The following TOP6BL variants were observed in gnomAD, a reference collection of about 807,000 sequenced individuals.
TOP6BL encodes type 2 DNA topoisomerase 6 subunit B-like.
the TOP6BL span, chr11:66,745,014 G>A: frequency 2.5e-6 from 3 of 1,187,798 alleles, no homozygotes; most frequent in Non-Finnish European, 3.2e-6. Context: ...GTCGGGCGTC[G>A]CCTAAGGTGA....
At chr11:66,793,444 G>GTTTT in the TOP6BL span, among the ~76,000 whole-genome samples, 33 of 97,962 alleles carry the variant, frequency 3.4e-4, no homozygotes, top group Non-Finnish European at 4.4e-4. Flanking sequence ...TTCTTTTTTT[G>GTTTT]TTTTTTTTTT....
chr11:66,750,291 T>C, the TOP6BL span, among the ~76,000 whole-genome samples: 1 of 152,154 alleles, frequency 6.6e-6, no homozygotes, highest in Non-Finnish European at 1.5e-5. Flanking sequence ...CTCATGCCTG[T>C]AACACCAGCA....
chr11:66,792,918 G>A, the TOP6BL span, among the ~76,000 whole-genome samples: 1 of 152,114 alleles, frequency 6.6e-6, no homozygotes, highest in East Asian at 1.9e-4. Context: ...ATGCTTTAAA[G>A]ACTATTGCTT....
the TOP6BL span, among the ~76,000 whole-genome samples, chr11:66,755,609 A>G: frequency 2.6e-5 from 4 of 152,102 alleles, no homozygotes; most frequent in Non-Finnish European, 2.9e-5. Context: ...TTGGTTTGAA[A>G]TCTCTGCTCT....
chr11:66,761,884 T>G, the TOP6BL span: 1 of 1,094,226 alleles, frequency 9.1e-7, no homozygotes, highest in South Asian at 1.2e-5. Flanking sequence ...ACAAGGGCCT[T>G]CTTGCCATCA....
the TOP6BL span, among the ~76,000 whole-genome samples, chr11:66,753,905 A>G: frequency 2.4e-4 from 37 of 151,728 alleles, no homozygotes; most frequent in African/African-American, 8.7e-4. Flanking sequence ...GAGTTTCACC[A>G]TGTTGGCTAG....
chr11:66,839,144 C>A, the TOP6BL span: 11 of 456,310 alleles, frequency 2.4e-5, no homozygotes, highest in South Asian at 1.7e-4. Flanking sequence ...CTTAAACAGC[C>A]TTCCCAGCCC....
chr11:66,825,044 A>C, the TOP6BL span, among the ~76,000 whole-genome samples: 1 of 151,824 alleles, frequency 6.6e-6, no homozygotes. Context: ...TCGTATTTTC[A>C]GTAGAGACGG....
At chr11:66,782,574 G>T in the TOP6BL span, among the ~76,000 whole-genome samples, 1 of 152,096 alleles carries the variant, frequency 6.6e-6, no homozygotes, top group Non-Finnish European at 1.5e-5. Flanking sequence ...CCATGTCCCT[G>T]TTCTGTAGAT....
At chr11:66,802,388 C>T in the TOP6BL span, among the ~76,000 whole-genome samples, 10 of 152,046 alleles carry the variant, frequency 6.6e-5, no homozygotes, top group South Asian at 2.1e-4. Context: ...CTCCTGACCT[C>T]GTGATCCTCC....
the TOP6BL span, among the ~76,000 whole-genome samples, chr11:66,763,023 A>T: frequency 6.6e-6 from 1 of 152,114 alleles, no homozygotes; most frequent in African/African-American, 2.4e-5. Flanking sequence ...TGGGCAATAT[A>T]TTGAGACCCC....
At chr11:66,787,122 C>T in the TOP6BL span, among the ~76,000 whole-genome samples, 3 of 151,636 alleles carry the variant, frequency 2.0e-5, no homozygotes, top group Non-Finnish European at 2.9e-5. Context: ...TTAGTAGAGA[C>T]GGGGTTTCAC....
At chr11:66,754,275 C>T in the TOP6BL span, among the ~76,000 whole-genome samples, 6 of 152,286 alleles carry the variant, frequency 3.9e-5, no homozygotes, top group African/African-American at 9.6e-5. Context: ...TTCTTTCCCC[C>T]CTTTCTGCAA....
chr11:66,825,050 G>A, the TOP6BL span, among the ~76,000 whole-genome samples: 1 of 151,882 alleles, frequency 6.6e-6, no homozygotes, highest in Non-Finnish European at 1.5e-5. Flanking sequence ...TTTCAGTAGA[G>A]ACGGGGTTTC....
the TOP6BL span, among the ~76,000 whole-genome samples, chr11:66,767,600 A>T: frequency 6.6e-6 from 1 of 152,190 alleles, no homozygotes; most frequent in Non-Finnish European, 1.5e-5. Context: ...TTTTAAAAAG[A>T]TGTGCAAGTG....
chr11:66,746,305 T>G, the TOP6BL span, among the ~76,000 whole-genome samples: 5 of 151,932 alleles, frequency 3.3e-5, no homozygotes, highest in East Asian at 9.7e-4. Context: ...ATAATGGGAG[T>G]TGGCCGGGCG....
the TOP6BL span, among the ~76,000 whole-genome samples, chr11:66,749,827 CT>C: frequency 6.6e-6 from 1 of 152,176 alleles, no homozygotes; most frequent in African/African-American, 2.4e-5. Context: ...ATCCACCTGC[CT>C]CTGCCTCCCA....
chr11:66,785,366 T>C, the TOP6BL span, among the ~76,000 whole-genome samples: 4 of 152,226 alleles, frequency 2.6e-5, no homozygotes, highest in African/African-American at 9.6e-5. Context: ...TAGATACTTA[T>C]TTAAAAATCT....
At chr11:66,784,804 C>G in the TOP6BL span, among the ~76,000 whole-genome samples, 5 of 152,072 alleles carry the variant, frequency 3.3e-5, no homozygotes, top group African/African-American at 9.7e-5. Flanking sequence ...TTTAGCTGTT[C>G]TGAGTAATCC....
Sources: allele counts gnomAD v4.1 joint callset (sites outside exome capture counted in the v4.1 genomes callset), GRCh38; gene constraint gnomAD v4.1.1; transcripts MANE v1.5; gene names NCBI Gene and HGNC (gene_info 2026-07-23, HGNC 2026-07-21).